SAMD3: variants seen among roughly 807,000 people sequenced by gnomAD.
SAMD3 encodes sterile alpha motif domain containing 3, also known as sterile alpha motif domain-containing protein 3.
A neutral mutation model predicts 58.5 loss-of-function variants in SAMD3; 63 were observed. That is an observed-to-expected ratio of 1.08 (90% CI 0.88 to 1.33). The LOEUF is 1.33. Among genes scored for constraint, SAMD3 ranks in the 40% most tolerant of loss-of-function variants. SAMD3 has a pLI of 0.00. For missense variants in SAMD3, 604 were observed against 608.4 expected (o/e 0.99, Z 0.08); for synonymous variants, 220 against 210.3 (o/e 1.05, Z -0.40).
chr6:130,154,630 G>T (rs1175477477), intron 9 of SAMD3, among the ~76,000 whole-genome samples, 195 bp downstream of exon 9: 2 of 147,850 alleles, frequency 1.4e-5, no homozygotes, highest in African/African-American at 5.0e-5. Flanking sequence ...GGAGGCAGAG[G>T]TTGCAGTGAG....
At chr6:130,259,361 T>C (rs908209542) in intron 2 of SAMD3, among the ~76,000 whole-genome samples, 1 of 152,170 alleles carries the variant, frequency 6.6e-6, no homozygotes, top group Non-Finnish European at 1.5e-5. Flanking sequence ...AGTGATCACA[T>C]GGTGAGAGAG....
intron 2 of SAMD3, among the ~76,000 whole-genome samples, chr6:130,239,258 T>C (rs533820212): frequency 1.3e-5 from 2 of 152,268 alleles, no homozygotes; most frequent in South Asian, 4.1e-4. Flanking sequence ...CGGCATATTG[T>C]GAAATGGTGT....
At chr6:130,329,168 T>C (rs1776849565) in intron 1 of SAMD3, among the ~76,000 whole-genome samples, 1 of 152,022 alleles carries the variant, frequency 6.6e-6, no homozygotes, top group Non-Finnish European at 1.5e-5. Context: ...TAGCAGACCA[T>C]ATTTTTCCAA....
intron 5 of SAMD3, among the ~76,000 whole-genome samples, chr6:130,198,162 T>C (rs188606848): frequency 0.01 from 1,573 of 152,272 alleles, 17 homozygotes; most frequent in Middle Eastern, 0.027. Context: ...CCAGGTGAAA[T>C]AAACAGCCAT....
At chr6:130,149,203 C>T (rs957983866) in intron 9 of SAMD3, among the ~76,000 whole-genome samples, 5 of 152,206 alleles carry the variant, frequency 3.3e-5, no homozygotes, top group East Asian at 3.8e-4. Context: ...TGAGCACTAA[C>T]ATCTGTGTAG....
At chr6:130,332,465 G>A (rs1247079689) in intron 1 of SAMD3, among the ~76,000 whole-genome samples, 2 of 152,196 alleles carry the variant, frequency 1.3e-5, no homozygotes, top group Non-Finnish European at 2.9e-5. Context: ...GACAGAGAAG[G>A]TGTCAGAAGT....
chr6:130,220,909 A>T (rs1313883897), intron 1 of SAMD3, among the ~76,000 whole-genome samples: 1 of 151,938 alleles, frequency 6.6e-6, no homozygotes, highest in Non-Finnish European at 1.5e-5. Flanking sequence ...GCTGGAGTGC[A>T]GTGGCACGAT....
chr6:130,334,594 A>C (rs1777044182), intron 1 of SAMD3, among the ~76,000 whole-genome samples: 1 of 152,198 alleles, frequency 6.6e-6, no homozygotes, highest in Admixed American at 6.5e-5. Context: ...AGTCTCTCTG[A>C]GATTCACCTT....
chr6:130,365,498 T>A, upstream of SAMD3: 2 of 985,112 alleles, frequency 2.0e-6, no homozygotes, highest in Non-Finnish European at 2.4e-6. Flanking sequence ...CCGGGCGGCA[T>A]CTGAGGAGAA....
chr6:130,341,676 G>T (rs1359760526), intron 1 of SAMD3, among the ~76,000 whole-genome samples: 1 of 152,168 alleles, frequency 6.6e-6, no homozygotes, highest in Non-Finnish European at 1.5e-5. Flanking sequence ...CCTGGAATTG[G>T]TATACTAAGA....
At chr6:130,311,343 GT>G (rs1776151699) in intron 2 of SAMD3, among the ~76,000 whole-genome samples, 1 of 152,178 alleles carries the variant, frequency 6.6e-6, no homozygotes, top group African/African-American at 2.4e-5. Flanking sequence ...GCTTGGAGAA[GT>G]TATTGCCCTC....
intron 1 of SAMD3, among the ~76,000 whole-genome samples, chr6:130,220,777 A>T (rs2114861622): frequency 6.6e-6 from 1 of 152,370 alleles, no homozygotes; most frequent in Admixed American, 6.5e-5. Context: ...TATTAACAGC[A>T]TGGTACTGGA....
At chr6:130,365,534 G>A (rs947405678), upstream of SAMD3, 6 of 985,222 alleles carry the variant, frequency 6.1e-6, no homozygotes, top group Admixed American at 1.2e-4. Context: ...TGGAGCCAGG[G>A]TCCTGCGGTG....
chr6:130,310,820 A>AT (rs1776125401), intron 2 of SAMD3, among the ~76,000 whole-genome samples: 1 of 152,192 alleles, frequency 6.6e-6, no homozygotes, highest in South Asian at 2.1e-4. Flanking sequence ...ATAGCCACTA[A>AT]TTTTTTCGAC....
At chr6:130,256,021 T>A (rs1773917432) in intron 2 of SAMD3, among the ~76,000 whole-genome samples, 1 of 151,776 alleles carries the variant, frequency 6.6e-6, no homozygotes, top group Admixed American at 6.6e-5. Context: ...TTGGTTGCTG[T>A]CTTCCTTTGT....
intron 1 of SAMD3, among the ~76,000 whole-genome samples, chr6:130,218,804 TA>T (rs528806434): frequency 6.6e-5 from 10 of 151,440 alleles, no homozygotes; most frequent in African/African-American, 2.2e-4. Flanking sequence ...GAACTCAAAG[TA>T]AAAAAAACCA....
chr6:130,165,180 A>G (rs1381962338), intron 8 of SAMD3, among the ~76,000 whole-genome samples: 3 of 152,202 alleles, frequency 2.0e-5, no homozygotes, highest in Non-Finnish European at 2.9e-5. Context: ...TAATGAATAC[A>G]TCATAAAATG....
At chr6:130,308,198 G>A (rs1775972831) in intron 2 of SAMD3, among the ~76,000 whole-genome samples, 1 of 152,016 alleles carries the variant, frequency 6.6e-6, no homozygotes, top group African/African-American at 2.4e-5. Context: ...AGAAACTGGT[G>A]TGCATGACTA....
chr6:130,237,680 G>A (rs1773209973), intron 2 of SAMD3, among the ~76,000 whole-genome samples: 1 of 152,090 alleles, frequency 6.6e-6, no homozygotes. Flanking sequence ...TATACACAAG[G>A]AGAGTGAGGC....
Sources: allele counts gnomAD v4.1 joint callset (sites outside exome capture counted in the v4.1 genomes callset), GRCh38; gene constraint gnomAD v4.1.1; transcripts MANE v1.5; gene names NCBI Gene and HGNC (gene_info 2026-07-23, HGNC 2026-07-21).